CDH13: variants seen among roughly 807,000 people sequenced by gnomAD.
CDH13 encodes the protein cadherin-13.
Under a neutral mutation model 63.8 loss-of-function variants are expected in CDH13, and 24 were observed. The ratio of observed to expected loss-of-function variants is 0.38; its 90% CI spans 0.27 to 0.53. The LOEUF (loss-of-function observed/expected upper bound fraction) is 0.53, where lower values mean the gene tolerates loss of function less well. CDH13 is among the 20% of genes least tolerant of loss of function. The pLI is 0.85. For missense variants in CDH13, 1,049 were observed against 903.1 expected (o/e 1.16, Z -2.07); for synonymous variants, 503 against 355.3 (o/e 1.42, Z -4.67).
At chr16:83,367,566 G>A (rs2091282038) in intron 6 of CDH13, among the ~76,000 whole-genome samples, 1 of 152,178 alleles carries the variant, frequency 6.6e-6, no homozygotes, top group Non-Finnish European at 1.5e-5. Context: ...TGGAGAAACT[G>A]GCAGACTGTG....
At chr16:83,500,227 T>C (rs541718388) in intron 7 of CDH13, among the ~76,000 whole-genome samples, 6 of 1,836 alleles carry the variant, frequency 3.3e-3, no homozygotes, top group Admixed American at 0.025. Context: ...CTAGTTTCTT[T>C]CTTCTCCTTC....
intron 2 of CDH13, among the ~76,000 whole-genome samples, chr16:82,985,817 C>T (rs1052753829): frequency 2.0e-5 from 3 of 152,160 alleles, no homozygotes; most frequent in Non-Finnish European, 4.4e-5. Flanking sequence ...TGGTACTGTT[C>T]TCATGATAGT....
Position 83,536,136 on chromosome 16 carries a change from C to A in CDH13, c.960+49481C>A, listed in dbSNP as rs183824806. 9.0e-4 allele frequency among the ~76,000 whole-genome samples: 137 copies of A among 152,278 alleles called. 1 individual carries two copies. The highest frequency in any genetic ancestry group is 3.2e-3 in the African/African-American group (133 of 41,562). On this transcript the variant is annotated intron_variant, in intron 7 of 13. Transcript: ENST00000567109. ...ATTATGAGGCATTGAGAAATCCTTT[C>A]CGTAATATCCACTGAGTATATACTG...
At chr16:82,702,350 C>T (rs1213303942) in intron 1 of CDH13, among the ~76,000 whole-genome samples, 1 of 152,176 alleles carries the variant, frequency 6.6e-6, no homozygotes, top group Non-Finnish European at 1.5e-5. Flanking sequence ...AATACCTAAT[C>T]ATAGGATAGG....
intron 6 of CDH13, among the ~76,000 whole-genome samples, chr16:83,452,292 C>G (rs947993794): frequency 3.9e-5 from 6 of 152,148 alleles, no homozygotes; most frequent in African/African-American, 1.4e-4. Context: ...TGCCTATAAT[C>G]AGTTTCATGA....
At chr16:83,396,684 G>T (rs2091891615) in intron 6 of CDH13, 1 of 152,144 alleles carries the variant, frequency 6.6e-6, no homozygotes, top group South Asian at 2.1e-4. Context: ...CTTTTCTGAA[G>T]ATAAGCAGTA....
chr16:83,323,277 T>G (rs2059278), intron 5 of CDH13, among the ~76,000 whole-genome samples: 71,055 of 133,566 alleles, frequency 0.53, 20,092 homozygotes, highest in South Asian at 0.63. Context: ...TTGTTTTCTT[T>G]TTTTCTTTTT....
chr16:82,743,257 C>T (rs556315025), intron 1 of CDH13, among the ~76,000 whole-genome samples: 11 of 152,256 alleles, frequency 7.2e-5, no homozygotes, highest in Non-Finnish European at 1.0e-4. Context: ...GACAGGGTCT[C>T]GCTCTGCTGC....
chr16:83,166,155 T>A (rs1162947730), intron 4 of CDH13, among the ~76,000 whole-genome samples: 2 of 152,106 alleles, frequency 1.3e-5, no homozygotes, highest in African/African-American at 4.8e-5. Context: ...AGAAAGGGTA[T>A]CCAGCAAATC....
chr16:83,737,727 T>G (rs1911670217), intron 10 of CDH13, among the ~76,000 whole-genome samples: 1 of 152,210 alleles, frequency 6.6e-6, no homozygotes, highest in South Asian at 2.1e-4. Context: ...TCAACAGCCC[T>G]GATCATTCTG....
At chr16:83,277,788 T>A (rs1172508053) in intron 5 of CDH13, among the ~76,000 whole-genome samples, 1 of 152,166 alleles carries the variant, frequency 6.6e-6, no homozygotes, top group Non-Finnish European at 1.5e-5. Flanking sequence ...TAAAAATATT[T>A]TTATGTTAAA....
chr16:82,685,152 A>T lies in CDH13; in HGVS notation c.45+58015A>T, dbSNP rs186812455. On this transcript the variant is annotated intron_variant, in intron 1 of 13. Coordinates refer to ENST00000567109, the MANE Select transcript of CDH13 (RefSeq NM_001257.5). Reference sequence around the variant, plus strand: ...AATACTTCAGTTTTGTTGAGAGATGATCTTAATCTGTTTGAGCTGCTATAT... The same window carrying T: ...AATACTTCAGTTTTGTTGAGAGATGTTCTTAATCTGTTTGAGCTGCTATAT... 3.9e-5 allele frequency among the ~76,000 whole-genome samples: 6 copies of T among 152,292 alleles called. No homozygotes were observed. The East Asian group carries it at 5.8e-4, about 15-fold the overall frequency.
chr16:83,145,114 A>T (rs971979659), intron 4 of CDH13, among the ~76,000 whole-genome samples: 12 of 152,132 alleles, frequency 7.9e-5, no homozygotes, highest in African/African-American at 2.9e-4. Context: ...CCTCCAATTT[A>T]TTTGTCTACA....
chr16:82,969,535 A>G (rs1247828067), intron 2 of CDH13, among the ~76,000 whole-genome samples: 1 of 147,280 alleles, frequency 6.8e-6, no homozygotes, highest in Non-Finnish European at 1.5e-5. Flanking sequence ...GAGTGGAAAG[A>G]TGATGGGGCT....
intron 3 of CDH13, among the ~76,000 whole-genome samples, chr16:83,108,021 C>T (rs1000768872): frequency 6.6e-6 from 1 of 152,074 alleles, no homozygotes; most frequent in African/African-American, 2.4e-5. Context: ...CGGGGTTTCA[C>T]CATCTTGGAC....
At chr16:83,607,756 G>A (rs1390487527) in intron 8 of CDH13, among the ~76,000 whole-genome samples, 2 of 152,098 alleles carry the variant, frequency 1.3e-5, no homozygotes, top group Non-Finnish European at 2.9e-5. Flanking sequence ...TTGTACGTAT[G>A]ACTTCAACTA....
chr16:83,396,912 C>T (rs2091895127), intron 6 of CDH13, among the ~76,000 whole-genome samples: 1 of 152,180 alleles, frequency 6.6e-6, no homozygotes, highest in South Asian at 2.1e-4. Context: ...TAGCTTCTAT[C>T]ATTGTCCCAG....
intron 4 of CDH13, among the ~76,000 whole-genome samples, chr16:83,194,736 TTTAC>T (rs999434116): frequency 2.0e-5 from 3 of 152,208 alleles, no homozygotes; most frequent in African/African-American, 7.2e-5. Flanking sequence ...GGGAATTGAT[TTTAC>T]TTACCTGACT....
intron 10 of CDH13, among the ~76,000 whole-genome samples, chr16:83,732,901 C>T (rs1408475543): frequency 1.3e-5 from 2 of 152,196 alleles, no homozygotes; most frequent in East Asian, 3.9e-4. Context: ...TGCCCATTCA[C>T]TCACCCATCT....
Sources: allele counts gnomAD v4.1 joint callset (sites outside exome capture counted in the v4.1 genomes callset), GRCh38; gene constraint gnomAD v4.1.1; transcripts MANE v1.5; gene names NCBI Gene and HGNC (gene_info 2026-07-23, HGNC 2026-07-21).